The following LGR5 variants were observed in gnomAD, a reference collection of about 807,000 sequenced individuals.
The protein encoded by LGR5 is leucine rich repeat containing G protein-coupled receptor 5.
In LGR5, 54 loss-of-function variants were observed where a neutral mutation model predicts 76.7. The observed-to-expected ratio is 0.70, with a 90% CI of 0.57 to 0.88. The LOEUF (loss-of-function observed/expected upper bound fraction) is 0.88. LGR5 is among the 40% of genes least tolerant of loss of function. The pLI is 0.00. For synonymous variants in LGR5, 406 were observed against 421.9 expected, an observed-to-expected ratio of 0.96 and a Z score of 0.46; for missense variants, 1,078 against 1,073.3, an observed-to-expected ratio of 1.00 and a Z score of -0.06.
intron 4 of LGR5, among the ~76,000 whole-genome samples, chr12:71,552,096 C>G (rs1877513678): frequency 1.4e-5 from 2 of 147,220 alleles, no homozygotes; most frequent in Non-Finnish European, 3.0e-5. Context: ...AGGTGGGGGG[C>G]AAGGGGAGGG....
intron 4 of LGR5, among the ~76,000 whole-genome samples, chr12:71,547,494 T>C (rs978993707): frequency 1.3e-5 from 2 of 152,184 alleles, no homozygotes; most frequent in African/African-American, 4.8e-5. Context: ...AATTTGAAGG[T>C]TTTCCTCAAA....
chr12:71,575,740 G>GTGTT (rs1389070974), intron 13 of LGR5, among the ~76,000 whole-genome samples: 1 of 151,814 alleles, frequency 6.6e-6, no homozygotes, highest in African/African-American at 2.4e-5. Flanking sequence ...GTGTGTGTGT[G>GTGTT]TGTGTGTGTG....
chr12:71,528,391 G>A (rs918672358), intron 3 of LGR5, among the ~76,000 whole-genome samples: 1 of 152,166 alleles, frequency 6.6e-6, no homozygotes, highest in Admixed American at 6.5e-5. Context: ...GAGCCTAGGA[G>A]GTTGGGGCTA....
chr12:71,579,727 G>A (rs893818343), intron 15 of LGR5, among the ~76,000 whole-genome samples: 3 of 151,954 alleles, frequency 2.0e-5, no homozygotes, highest in African/African-American at 7.3e-5. Context: ...TTGAATAGTC[G>A]GTGTTATTTA....
intron 1 of LGR5, among the ~76,000 whole-genome samples, chr12:71,498,946 C>T (rs919903765): frequency 1.8e-4 from 27 of 152,114 alleles, no homozygotes; most frequent in African/African-American, 6.0e-4. Flanking sequence ...GCAGCAGTTC[C>T]CATGGGAGTA....
chr12:71,559,543 A>G lies in LGR5; in HGVS notation c.717-43A>G, dbSNP rs148565811. ...TTCCTTGTAAATAGAGTATATATGAAGTTTTAAATAAAAAACTGAAAATAC... is the reference window on the plus strand; with the variant it reads ...TTCCTTGTAAATAGAGTATATATGAGGTTTTAAATAAAAAACTGAAAATAC... On this transcript the variant is annotated intron_variant, in intron 6 of 17. Coordinates refer to ENST00000266674, the MANE Select transcript of LGR5 (RefSeq NM_003667.4). 65 of 1,059,814 alleles carry G rather than the reference A, an allele frequency of 6.1e-5. No individual in the cohort carries two copies. The African/African-American group carries it at 9.4e-4, about 15-fold the overall frequency. The allele number at this position is 1,059,814 out of a possible 1,614,324, so 65.7% of individuals were successfully genotyped here.
chr12:71,548,301 CTGTG>C (rs10629001), intron 4 of LGR5, among the ~76,000 whole-genome samples: 10 of 104,010 alleles, frequency 9.6e-5, no homozygotes, highest in African/African-American at 2.5e-4. Flanking sequence ...CCTTGTTGCA[CTGTG>C]TGTGTGTGTG....
At chr12:71,583,508 TGCACATGG>T in intron 17 of LGR5, 131 bp from the exon 18 acceptor site, 1 of 938,122 alleles carries the variant, frequency 1.1e-6, no homozygotes, top group South Asian at 1.6e-5. Context: ...TAGTGGAGCA[TGCACATGG>T]GCACTGTGTG....
At chr12:71,439,593 T>C (rs1871647568), upstream of LGR5, among the ~76,000 whole-genome samples, 1 of 150,106 alleles carries the variant, frequency 6.7e-6, no homozygotes, top group Non-Finnish European at 1.5e-5. Context: ...GGAGGCTCAG[T>C]GGGAGCGCCG....
chr12:71,547,284 A>T (rs1441385041), intron 4 of LGR5, among the ~76,000 whole-genome samples: 1 of 152,188 alleles, frequency 6.6e-6, no homozygotes, highest in Admixed American at 6.5e-5. Context: ...TGTGATGGAA[A>T]CCTTGCTATA....
At chr12:71,488,481 T>C (rs1338595057) in intron 1 of LGR5, among the ~76,000 whole-genome samples, 5 of 152,202 alleles carry the variant, frequency 3.3e-5, no homozygotes, top group Admixed American at 6.5e-5. Flanking sequence ...TTTTCTCTGG[T>C]GTCATTTTCA....
At chr12:71,519,654 A>G (rs1309316760) in intron 2 of LGR5, among the ~76,000 whole-genome samples, 1 of 150,084 alleles carries the variant, frequency 6.7e-6, no homozygotes, top group Admixed American at 6.6e-5. Context: ...ACAAAAAACA[A>G]AAAACAAAAA....
chr12:71,475,413 C>A (rs139939025), intron 1 of LGR5, among the ~76,000 whole-genome samples: 3 of 152,156 alleles, frequency 2.0e-5, no homozygotes, highest in Non-Finnish European at 2.9e-5. Flanking sequence ...TAGAGTGGCT[C>A]CCAGAGCCTC....
rs147469124 is a variant in LGR5, at chr12:71,573,069, G to A, written c.1208+148G>A. 1,643 of 564,208 alleles carry A rather than the reference G, an allele frequency of 2.9e-3. 13 individuals are homozygous for A. The highest frequency in any genetic ancestry group is 6.1e-3 in the South Asian group (220 of 36,230). The allele number at this position is 564,208 out of a possible 1,614,324, so 35.0% of individuals were successfully genotyped here. On this transcript the variant is annotated intron_variant, in intron 13 of 17. Transcript: ENST00000266674. ...ATGAAACATCAAGTATTTTGCTTCT[G>A]GTAATTTCCAGGAATAAATCTAAAA...
At chr12:71,561,760 T>G (rs1275236205) in intron 7 of LGR5, 21 bp from the exon 8 acceptor site, 1 of 1,512,748 alleles carries the variant, frequency 6.6e-7, no homozygotes, top group African/African-American at 1.4e-5. Context: ...GGATTTTTTA[T>G]AATTTTTTTT....
intron 4 of LGR5, among the ~76,000 whole-genome samples, chr12:71,547,005 G>A (rs1356163091): frequency 6.6e-6 from 1 of 152,140 alleles, no homozygotes; most frequent in African/African-American, 2.4e-5. Context: ...CAAGCAGCTT[G>A]AGCAGCAGCG....
intron 7 of LGR5, among the ~76,000 whole-genome samples, chr12:71,560,889 A>G (rs1878024709): frequency 6.6e-6 from 1 of 152,230 alleles, no homozygotes; most frequent in African/African-American, 2.4e-5. Flanking sequence ...ATCTTATTTA[A>G]TTCTAAAACC....
At chr12:71,548,762 C>T (rs1017573399) in intron 4 of LGR5, among the ~76,000 whole-genome samples, 11 of 151,798 alleles carry the variant, frequency 7.2e-5, no homozygotes, top group Non-Finnish European at 1.2e-4. Context: ...TTGGCTGGAA[C>T]CTGGTACTTC....
intron 17 of LGR5, among the ~76,000 whole-genome samples, chr12:71,582,792 G>A (rs1311877012): frequency 6.6e-6 from 1 of 152,018 alleles, no homozygotes; most frequent in Non-Finnish European, 1.5e-5. Flanking sequence ...GTTGTTAGAG[G>A]CATATGTAAT....
Sources: gnomAD v4.1 joint callset for allele counts (sites outside exome capture counted in the v4.1 genomes callset) on GRCh38, gnomAD v4.1.1 for gene constraint, MANE v1.5 for transcripts, NCBI Gene and HGNC (gene_info 2026-07-23, HGNC 2026-07-21) for gene names.